Variants in ITGB4 observed in about 807,000 individuals in gnomAD.
The protein encoded by ITGB4 is integrin beta-4.
Under a neutral mutation model 207.6 loss-of-function variants are expected in ITGB4, and 159 were observed. The observed-to-expected ratio is 0.77, with a 90% CI of 0.67 to 0.87. ITGB4 has a LOEUF of 0.87. Among genes scored for constraint, ITGB4 ranks in the 40% least tolerant of loss-of-function variants. ITGB4 has a pLI of 0.00. For missense variants in ITGB4, 2,278 were observed against 2,546.8 expected, an observed-to-expected ratio of 0.89 and a Z score of 2.27; for synonymous variants, 1,020 against 1,062.7, an observed-to-expected ratio of 0.96 and a Z score of 0.78.
rs1193974742 is a variant in ITGB4, at chr17:75,722,692, AG to A, written c.-11+1084del. 6.7e-6 allele frequency among the ~76,000 whole-genome samples: 1 copy of A among 149,146 alleles called. No homozygotes were observed. The highest frequency in any genetic ancestry group is 1.5e-5 in the Non-Finnish European group (1 of 67,312). ...AGTGGACAGGAGCAGGTGTGCCCAG[AG>A]GGGTCCCCAGGGGTTGGGATGGGGG... On this transcript the variant is annotated intron_variant, in intron 1 of 39. Transcript: ENST00000200181. This position sits in a 1 kb window ranked among gnomAD's most constrained non-coding sequence, Gnocchi z 6.2.
intron 26 of ITGB4, among the ~76,000 whole-genome samples, chr17:75,744,371 T>C (rs9894318): frequency 0.094 from 14,298 of 151,528 alleles, 773 homozygotes; most frequent in Non-Finnish European, 0.11. Flanking sequence ...CCGCCCGCCT[T>C]GGCCTCCCAA....
chr17:75,752,372 G>C lies in ITGB4; in HGVS notation c.3976+16G>C, dbSNP rs769329338. ...CCCATGTCCAGTGAGTGGTGGGCAG[G>C]GAGGTGAGGGGCAGACCGGGCAGGG... On this transcript the variant is annotated intron_variant, in intron 31 of 39. Transcript: ENST00000200181. 3 of 1,612,610 alleles carry C rather than the reference G, an allele frequency of 1.9e-6. No homozygotes were observed. Among genetic ancestry groups the C allele is most frequent in the East Asian group, 4.5e-5 (2 of 44,876 alleles).
chr17:75,746,531 A>G (rs2061236766), intron 26 of ITGB4, among the ~76,000 whole-genome samples: 1 of 147,464 alleles, frequency 6.8e-6, no homozygotes, highest in Admixed American at 6.8e-5. Context: ...GCGCCCGGCC[A>G]TTTTATATTT....
In ITGB4 at chr17:75,750,870, C is replaced by T. The variant is rs767096926; in HGVS notation, c.3655+10C>T. The T allele has an allele frequency of 1.4e-5, 22 of 1,613,340 alleles. No individual in the cohort carries two copies. The Admixed American group carries it at 1.7e-4, about 12-fold the overall frequency. ...CGCACCCACCAGGAAGGTGAGGCCT[C>T]GCCATGTCTGTCCATTTGTCCCCTG... is the stretch of plus-strand genomic sequence containing the variant. On this transcript the variant is annotated intron_variant, in intron 29 of 39. Transcript: ENST00000200181. The surrounding 1 kb of genome is among the most constrained non-coding windows in gnomAD (Gnocchi z 5.5).
rs770380318 is a variant in ITGB4, at chr17:75,727,711, C to T, written c.325C>T (p.Arg109Cys). The change falls in exon 5 of 40, where the codon CGT becomes TGT. Residue 109 changes from arginine to cysteine, a missense_variant. Transcript: ENST00000200181. The surrounding 1 kb of genome is among the most constrained non-coding windows in gnomAD (Gnocchi z 6.0). ...SQMSPQGLRVRLRPGEERHFE... is the reference protein window; with the variant it reads ...SQMSPQGLRVCLRPGEERHFE... ...GATGTCCCCCCAAGGCCTGCGGGTC[C>T]GTCTGCGGCCCGGTGAGGAGCGGCA... is the stretch of plus-strand genomic sequence containing the variant. 13 of 1,613,190 alleles carry T rather than the reference C, an allele frequency of 8.1e-6. No individual in the cohort carries two copies. The highest frequency in any genetic ancestry group is 2.2e-5 in the South Asian group (2 of 90,934).
rs1404230842 is a variant in ITGB4, at chr17:75,748,831, C to T, written c.3112-10C>T. On this transcript the variant is annotated splice_polypyrimidine_tract_variant and intron_variant, in intron 26 of 39. Transcript: ENST00000200181. ...GCCATGACCCTGACCCTGACCCCCT[C>T]CACTCCCAGGACTACATCCCCGTGG... 6.2e-7 allele frequency: 1 copy of T among 1,600,250 alleles called. No homozygotes were observed. The highest frequency in any genetic ancestry group is 8.5e-7 in the Non-Finnish European group (1 of 1,173,738).
At chr17:75,743,676 C>T in intron 25 of ITGB4, 37 bp from the exon 26 acceptor site, 3 of 1,613,246 alleles carry the variant, frequency 1.9e-6, no homozygotes, top group South Asian at 2.2e-5. Flanking sequence ...AGGGACTGGG[C>T]CCAGCACACT....
Position 75,752,455 on chromosome 17 carries a change from T to C in ITGB4, c.3986T>C (p.Ile1329Thr). ...CTCCCCTGCCCTGCAGTCCCCATCATCCCTGACATCCCTATCGTGGACGCC... is the reference window on the plus strand; with the variant it reads ...CTCCCCTGCCCTGCAGTCCCCATCACCCCTGACATCCCTATCGTGGACGCC... Reference protein sequence around the residue: ...QPKRPMSIPIIPDIPIVDAQS... With the variant: ...QPKRPMSIPITPDIPIVDAQS... Residue 1329 changes from isoleucine (I) to threonine (T), a missense_variant, in exon 32 of 40, where the codon ATC becomes ACC. Ile to Thr is a moderately conservative substitution (Grantham distance 89). Transcript: ENST00000200181. 1 of 1,613,430 alleles carries C rather than the reference T, an allele frequency of 6.2e-7. No homozygotes were observed. The highest frequency in any genetic ancestry group is 8.5e-7 in the Non-Finnish European group (1 of 1,179,968).
At chr17:75,728,949 A>T (rs573588888) in intron 6 of ITGB4, among the ~76,000 whole-genome samples, 5 of 145,272 alleles carry the variant, frequency 3.4e-5, no homozygotes, top group Non-Finnish European at 6.0e-5. Context: ...GCGCCACTGC[A>T]CTCCAGCCTG....
rs1421008740 is a variant in ITGB4, at chr17:75,742,946, G to A, written c.2962+185G>A. Among the ~76,000 whole-genome samples, 2 of 152,152 alleles carry A rather than the reference G, an allele frequency of 1.3e-5. No individual in the cohort carries two copies. The highest frequency in any genetic ancestry group is 1.3e-4 in the Admixed American group (2 of 15,282). On this transcript the variant is annotated intron_variant, in intron 25 of 39. Transcript: ENST00000200181. The surrounding 1 kb of genome is among the most constrained non-coding windows in gnomAD (Gnocchi z 5.9). ...TACGGAATGCGTGGCTGTTCACCTC[G>A]CCACAGTGCCTGCCTGGTGGTGAGC...
At chr17:75,743,925 C>T in intron 26 of ITGB4, 64 bp downstream of exon 26, 1 of 1,512,280 alleles carries the variant, frequency 6.6e-7, no homozygotes, top group Non-Finnish European at 8.9e-7. Context: ...GCATTGGGTT[C>T]CCAAGACAAA....
Position 75,728,387 on chromosome 17 carries a change from G to A in ITGB4, c.480G>A (p.Leu160=), listed in dbSNP as rs577668587. 1 of 1,614,058 alleles carries A rather than the reference G, an allele frequency of 6.2e-7. No homozygotes were observed. The highest frequency in any genetic ancestry group is 1.1e-5 in the South Asian group (1 of 91,082). Residue 160 remains leucine (L), a synonymous_variant, in exon 6 of 40, where the codon CTG becomes CTA. Coordinates refer to ENST00000200181, the MANE Select transcript of ITGB4 (RefSeq NM_000213.5). ...CCTTTTGACATCCAGCTCGGGTCCT[G>A]AGCCAGCTCACCAGCGACTACACTA... ...KKMGQNLARV[L]SQLTSDYTIG...
chr17:75,737,465 G>A (rs765179657), intron 17 of ITGB4, 21 bp downstream of exon 17: 19 of 1,552,838 alleles, frequency 1.2e-5, no homozygotes, highest in African/African-American at 5.5e-5. Context: ...GGGGCCGGGC[G>A]CAGGGAGGGG....
At position 75,748,947 on chromosome 17, in the gene ITGB4, G is replaced by GCCGCCAGGT. The variant is rs2061299039; in HGVS notation, c.3224_3232dup (p.Gln1075_Arg1077dup). The GCCGCCAGGT allele has an allele frequency of 2.5e-6, 4 of 1,613,190 alleles. No homozygotes were observed. The highest frequency in any genetic ancestry group is 2.5e-6 in the Non-Finnish European group (3 of 1,179,982). The stretch of plus-strand genomic sequence containing the variant: ...CAAGAAGTTGACTCCCTCCTGCGGG[G>GCCGCCAGGT]CCGCCAGGTCCGCCGTTTCCACGTC... On this transcript the variant is annotated inframe_insertion, in exon 27 of 40. Coordinates refer to ENST00000200181, the MANE Select transcript of ITGB4 (RefSeq NM_000213.5).
rs911185521 is a variant in ITGB4, at chr17:75,740,557, A to G, written c.2550+96A>G. 9.1e-7 allele frequency: 1 copy of G among 1,104,778 alleles called. No homozygotes were observed. The highest frequency in any genetic ancestry group is 2.4e-5 in the East Asian group (1 of 41,860). 68.4% of individuals were successfully genotyped at this position (1,104,778 alleles called of 1,614,324 possible). ...GAATGCGGTCGTGGTACCGAGATTCATTAACTAGGGGAGAGGGGTCTCTCT... is the reference window on the plus strand; with the variant it reads ...GAATGCGGTCGTGGTACCGAGATTCGTTAACTAGGGGAGAGGGGTCTCTCT... On this transcript the variant is annotated intron_variant, in intron 21 of 39. Transcript: ENST00000200181. The surrounding 1 kb of genome is among the most constrained non-coding windows in gnomAD (Gnocchi z 5.9).
At chr17:75,737,477 C>CGT (rs1449267150) in intron 17 of ITGB4, 33 bp downstream of exon 17, 2 of 1,553,148 alleles carry the variant, frequency 1.3e-6, no homozygotes, top group African/African-American at 2.7e-5. Context: ...AGGGAGGGGG[C>CGT]GTGTGGCCAG....
chr17:75,753,827 C>T lies in ITGB4; in HGVS notation c.4171C>T (p.Arg1391Trp). 6.9e-7 allele frequency: 1 copy of T among 1,456,322 alleles called. No individual in the cohort carries two copies. The highest frequency in any genetic ancestry group is 9.0e-7 in the Non-Finnish European group (1 of 1,105,160). 90.2% of individuals were successfully genotyped at this position (1,456,322 alleles called of 1,614,324 possible). A position where few individuals can be genotyped will look rare whatever the true frequency, so the allele number is the denominator to read the frequency against. Residue 1391 changes from arginine to tryptophan, a missense_variant, in exon 33 of 40, where the codon CGG (arginine) becomes TGG (tryptophan). Arg to Trp is a moderately radical substitution (Grantham distance 101). Transcript: ENST00000200181. ...EELDLRRVTW[R>W]LPPELIPRLS... Reference sequence around the variant, plus strand: ...GCTGGACCTGCGGCGCGTCACGTGGCGGCTGCCCCCGGAGCTCATCCCGCG... The same window carrying T: ...GCTGGACCTGCGGCGCGTCACGTGGTGGCTGCCCCCGGAGCTCATCCCGCG...
In ITGB4 at chr17:75,755,762, GC is replaced by G; in HGVS notation, c.4623del (p.Thr1542HisfsTer5). ...PTRLVFSALG[P>X]TSLRVSWQEP... ...CCCGCCTGGTGTTCTCTGCCCTGGG[GC>G]CCACATCTCTCAGAGTGAGCTGGCA... On this transcript the variant is annotated frameshift_variant, in exon 35 of 40. Transcript: ENST00000200181. LOFTEE classifies it high-confidence loss of function. 6.2e-7 allele frequency: 1 copy of G among 1,612,770 alleles called. No individual in the cohort carries two copies. The highest frequency in any genetic ancestry group is 8.5e-7 in the Non-Finnish European group (1 of 1,179,962).
rs2060627981 is a variant in ITGB4, at chr17:75,722,120, G to A, written c.-11+508G>A. 6.6e-6 allele frequency among the ~76,000 whole-genome samples: 1 copy of A among 152,224 alleles called. No homozygotes were observed. The highest frequency in any genetic ancestry group is 1.5e-5 in the Non-Finnish European group (1 of 68,036). On this transcript the variant is annotated intron_variant, in intron 1 of 39. Coordinates refer to ENST00000200181, the MANE Select transcript of ITGB4 (RefSeq NM_000213.5). The surrounding 1 kb of genome is among the most constrained non-coding windows in gnomAD (Gnocchi z 6.2). ...CTCTATGCGGTGCCACAGTCCATCT[G>A]GGGCTGGGGAGTCCCTGATTTTCCT...
Sources: allele counts gnomAD v4.1 joint callset (sites outside exome capture counted in the v4.1 genomes callset), GRCh38; gene constraint gnomAD v4.1.1; non-coding constraint Gnocchi (gnomAD v3.1); transcripts MANE v1.5; gene names NCBI Gene and HGNC (gene_info 2026-07-23, HGNC 2026-07-21).